The following CDH13 variants were observed in gnomAD, a reference collection of about 807,000 sequenced individuals.
CDH13 encodes cadherin-13.
In CDH13, 24 loss-of-function variants were observed where a neutral mutation model predicts 63.8. That is an observed-to-expected ratio of 0.38 (90% CI 0.27 to 0.53). The LOEUF is 0.53. Among genes scored for constraint, CDH13 ranks in the 20% least tolerant of loss-of-function variants. CDH13 has a pLI of 0.85. For synonymous variants in CDH13, 503 were observed against 355.3 expected (o/e 1.42, Z -4.67); for missense variants, 1,049 against 903.1 (o/e 1.16, Z -2.07).
At chr16:83,311,794 G>T (rs760536587) in intron 5 of CDH13, among the ~76,000 whole-genome samples, 2 of 152,190 alleles carry the variant, frequency 1.3e-5, no homozygotes, top group Non-Finnish European at 2.9e-5. Flanking sequence ...GAAGAACCTT[G>T]CCAGGTGCAG....
At chr16:83,534,162 T>A (rs575113332) in intron 7 of CDH13, among the ~76,000 whole-genome samples, 110 of 152,272 alleles carry the variant, frequency 7.2e-4, no homozygotes, top group African/African-American at 2.5e-3. Flanking sequence ...ATCATCTACT[T>A]TCTGTCTTTA....
At chr16:83,169,989 C>T (rs2037852336) in intron 4 of CDH13, among the ~76,000 whole-genome samples, 1 of 152,014 alleles carries the variant, frequency 6.6e-6, no homozygotes, top group African/African-American at 2.4e-5. Context: ...CAAGTTTTTA[C>T]CCTTCAAATT....
chr16:83,545,682 T>C lies in CDH13; in HGVS notation c.961-56772T>C, dbSNP rs148917817. 3.2e-3 allele frequency among the ~76,000 whole-genome samples: 483 copies of C among 152,244 alleles called. 7 individuals are homozygous for C. Among genetic ancestry groups the C allele is most frequent in the African/African-American group, 0.011 (450 of 41,536 alleles). ...ACCTCCTCTGCCATCCTTTAGACTC[T>C]CCATACAGTTCCTCTCCCTGCCGTA... is the stretch of plus-strand genomic sequence containing the variant. On this transcript the variant is annotated intron_variant, in intron 7 of 13. Transcript: ENST00000567109.
At chr16:83,358,409 G>A (rs2151382701) in intron 6 of CDH13, among the ~76,000 whole-genome samples, 1 of 152,290 alleles carries the variant, frequency 6.6e-6, no homozygotes, top group Non-Finnish European at 1.5e-5. Context: ...TGCTAGGAAG[G>A]CAGGACAAAA....
intron 3 of CDH13, among the ~76,000 whole-genome samples, chr16:83,058,719 G>C (rs1202100932): frequency 6.6e-6 from 1 of 152,124 alleles, no homozygotes; most frequent in Non-Finnish European, 1.5e-5. Context: ...GTCTTATGTA[G>C]TGCATTACAA....
chr16:83,360,663 A>T (rs1191647537), intron 6 of CDH13, among the ~76,000 whole-genome samples: 1 of 152,128 alleles, frequency 6.6e-6, no homozygotes, highest in African/African-American at 2.4e-5. Context: ...TTTATGTCTA[A>T]GAGTTCCTTA....
chr16:83,329,558 A>T (rs888958682), intron 5 of CDH13, among the ~76,000 whole-genome samples: 2 of 152,152 alleles, frequency 1.3e-5, no homozygotes, highest in Non-Finnish European at 2.9e-5. Context: ...AACACACATA[A>T]AATCGATCAG....
intron 2 of CDH13, among the ~76,000 whole-genome samples, chr16:82,950,423 G>A (rs145979669): frequency 1.3e-5 from 2 of 152,100 alleles, no homozygotes; most frequent in Non-Finnish European, 2.9e-5. Context: ...GTTATGGGAG[G>A]GACTGGGTGG....
At chr16:83,295,013 G>A (rs2089556943) in intron 5 of CDH13, among the ~76,000 whole-genome samples, 1 of 152,186 alleles carries the variant, frequency 6.6e-6, no homozygotes, top group Admixed American at 6.5e-5. Flanking sequence ...AAACAGCATG[G>A]TACTGTTATA....
At chr16:83,708,785 G>T (rs113552788) in intron 10 of CDH13, among the ~76,000 whole-genome samples, 23,023 of 152,222 alleles carry the variant, frequency 0.15, 1,847 homozygotes, top group Middle Eastern at 0.21. Flanking sequence ...AGCACTTTGG[G>T]AGGCTGAGGT....
chr16:82,791,692 G>A (rs954726559), intron 1 of CDH13, among the ~76,000 whole-genome samples: 3 of 152,186 alleles, frequency 2.0e-5, no homozygotes, highest in Admixed American at 6.5e-5. Context: ...ATCCAGCGAG[G>A]CTCCCATTGC....
At chr16:82,690,020 T>A (rs1225218456) in intron 1 of CDH13, among the ~76,000 whole-genome samples, 43 of 32,080 alleles carry the variant, frequency 1.3e-3, no homozygotes, top group Middle Eastern at 0.045. Flanking sequence ...AAAAAAAAAT[T>A]AGCCAGGCAT....
At chr16:83,516,619 C>G (rs1242496654) in intron 7 of CDH13, among the ~76,000 whole-genome samples, 2 of 152,106 alleles carry the variant, frequency 1.3e-5, no homozygotes, top group East Asian at 1.9e-4. Flanking sequence ...AGGAGAATGG[C>G]TGTCTGAATT....
intron 6 of CDH13, among the ~76,000 whole-genome samples, chr16:83,372,159 A>T (rs151195765): frequency 6.6e-6 from 1 of 152,270 alleles, no homozygotes; most frequent in African/African-American, 2.4e-5. Flanking sequence ...CCAGTTTGCA[A>T]CAGCTTTGTA....
intron 6 of CDH13, among the ~76,000 whole-genome samples, chr16:83,456,026 G>A (rs550706025): frequency 1.1e-4 from 17 of 152,344 alleles, no homozygotes; most frequent in South Asian, 4.1e-4. Context: ...TCTGTCTTCA[G>A]CGAGGCTGGA....
intron 13 of CDH13, among the ~76,000 whole-genome samples, chr16:83,793,547 G>C (rs1916410070): frequency 6.6e-6 from 1 of 152,186 alleles, no homozygotes; most frequent in Admixed American, 6.6e-5. Flanking sequence ...TCTGCCATGA[G>C]ATGCCTTTTT....
At chr16:83,649,894 C>G (rs767908813) in intron 8 of CDH13, among the ~76,000 whole-genome samples, 1 of 152,206 alleles carries the variant, frequency 6.6e-6, no homozygotes, top group African/African-American at 2.4e-5. Flanking sequence ...AACCAGCTCA[C>G]AGCTAAGCTG....
At position 83,576,422 on chromosome 16, in the gene CDH13, T is replaced by G. The variant is rs527668804; in HGVS notation, c.961-26032T>G. Among the ~76,000 whole-genome samples the G allele has an allele frequency of 7.2e-5, 11 of 152,352 alleles. No homozygotes were observed. In the South Asian group the frequency reaches 2.3e-3, roughly 32 times the overall value. ...TATCCATTCGTCTGTTTATGGACAT[T>G]TGGCACTGTTTCTACCTTCTGGCTA... On this transcript the variant is annotated intron_variant, in intron 7 of 13. Transcript: ENST00000567109.
intron 6 of CDH13, among the ~76,000 whole-genome samples, chr16:83,483,747 G>C (rs559558026): frequency 2.0e-5 from 3 of 152,142 alleles, no homozygotes; most frequent in Non-Finnish European, 4.4e-5. Context: ...TCGCAGGCCT[G>C]AAATCTGCCT....
Sources: gnomAD v4.1 joint callset for allele counts (sites outside exome capture counted in the v4.1 genomes callset) on GRCh38, gnomAD v4.1.1 for gene constraint, MANE v1.5 for transcripts, NCBI Gene and HGNC (gene_info 2026-07-23, HGNC 2026-07-21) for gene names.